LRRC37A2: variants seen among roughly 807,000 people sequenced by gnomAD.
LRRC37A2 encodes the protein leucine-rich repeat-containing protein 37A2.
LRRC37A2 carries 9 observed loss-of-function variants against 68.8 expected under a neutral mutation model. That is an observed-to-expected ratio of 0.13 (90% confidence interval 0.08 to 0.23). The LOEUF (loss-of-function observed/expected upper bound fraction) is 0.23, where lower values mean the gene tolerates loss of function less well. LRRC37A2 is among the 10% of genes least tolerant of loss of function. LRRC37A2 has a pLI of 1.00. For synonymous variants in LRRC37A2, 63 were observed against 367.6 expected, an observed-to-expected ratio of 0.17 and a Z score of 9.48; for missense variants, 168 against 950.4, an observed-to-expected ratio of 0.18 and a Z score of 10.82.
At chr17:46,965,966 A>T in the LRRC37A2 span, among the ~76,000 whole-genome samples, 1 of 151,976 alleles carries the variant, frequency 6.6e-6, no homozygotes, top group Non-Finnish European at 1.5e-5. Context: ...TGCTGTTTAT[A>T]ATGATGCAGG....
the LRRC37A2 span, chr17:46,749,870 A>G: frequency 9.3e-6 from 15 of 1,614,032 alleles, no homozygotes; most frequent in Admixed American, 3.3e-5. Context: ...CACGTGCCCA[A>G]CATTGCCACA....
the LRRC37A2 span, among the ~76,000 whole-genome samples, chr17:46,946,426 A>T: frequency 6.9e-6 from 1 of 145,504 alleles, no homozygotes; most frequent in Admixed American, 7.1e-5. Context: ...ACGCCATTGC[A>T]CTCCAGCCTA....
chr17:46,812,042 T>C, the LRRC37A2 span, among the ~76,000 whole-genome samples: 1 of 152,176 alleles, frequency 6.6e-6, no homozygotes, highest in Non-Finnish European at 1.5e-5. Context: ...GGAGACCCAG[T>C]GCTCCTTCCC....
At chr17:46,904,143 G>T in the LRRC37A2 span, among the ~76,000 whole-genome samples, 1 of 151,692 alleles carries the variant, frequency 6.6e-6, no homozygotes, top group African/African-American at 2.4e-5. Flanking sequence ...AGGGTGGCTG[G>T]GTGGCTGGGC....
At chr17:46,380,812 C>G in the LRRC37A2 span, among the ~76,000 whole-genome samples, 15 of 9,798 alleles carry the variant, frequency 1.5e-3, 6 homozygotes, top group African/African-American at 1.7e-3. Flanking sequence ...GTCATTTGGC[C>G]GGGCGCGGTG....
chr17:46,827,550 T>C, the LRRC37A2 span, among the ~76,000 whole-genome samples: 1 of 152,142 alleles, frequency 6.6e-6, no homozygotes, highest in African/African-American at 2.4e-5. Context: ...AGACACTAAC[T>C]GCCTTCAGAG....
chr17:47,007,508 A>G, the LRRC37A2 span, among the ~76,000 whole-genome samples: 1 of 152,218 alleles, frequency 6.6e-6, no homozygotes. Context: ...GTTTGAAAAT[A>G]AAATATAAAA....
At chr17:46,976,750 G>A in the LRRC37A2 span, among the ~76,000 whole-genome samples, 10 of 151,708 alleles carry the variant, frequency 6.6e-5, no homozygotes, top group Admixed American at 2.6e-4. Flanking sequence ...GCAAATGCCT[G>A]TAGCTGTCTG....
chr17:46,749,654 C>G, the LRRC37A2 span: 3 of 919,210 alleles, frequency 3.3e-6, no homozygotes, highest in Non-Finnish European at 4.7e-6. Flanking sequence ...TCTGTTTTGC[C>G]TAATCATTTG....
the LRRC37A2 span, among the ~76,000 whole-genome samples, chr17:46,492,274 T>G: frequency 6.6e-6 from 1 of 151,158 alleles, no homozygotes; most frequent in African/African-American, 2.5e-5. Flanking sequence ...CCGTTTGACT[T>G]TTAAATAGGT....
chr17:46,836,325 C>A, the LRRC37A2 span, among the ~76,000 whole-genome samples: 1 of 152,186 alleles, frequency 6.6e-6, no homozygotes, highest in Non-Finnish European at 1.5e-5. Context: ...CTTGGAACTG[C>A]TGTTTTTTGA....
chr17:46,658,005 A>T, the LRRC37A2 span, among the ~76,000 whole-genome samples: 1 of 44,404 alleles, frequency 2.3e-5, no homozygotes, highest in Non-Finnish European at 3.9e-5. Flanking sequence ...GGTCTTTCCT[A>T]TTCAGTAACA....
chr17:46,759,611 C>T, the LRRC37A2 span, among the ~76,000 whole-genome samples: 3 of 152,218 alleles, frequency 2.0e-5, no homozygotes, highest in African/African-American at 7.2e-5. Context: ...ACTGACTTCA[C>T]TCGAGTGTGC....
the LRRC37A2 span, among the ~76,000 whole-genome samples, chr17:47,006,315 AAATT>A: frequency 3.7e-4 from 56 of 152,288 alleles, no homozygotes; most frequent in African/African-American, 1.3e-3. Context: ...AAAATAAAAT[AAATT>A]AATTAATTAA....
At chr17:47,033,247 A>C in the LRRC37A2 span, 1 of 632,622 alleles carries the variant, frequency 1.6e-6, no homozygotes, top group Non-Finnish European at 2.8e-6. Flanking sequence ...AAAAAAAAAA[A>C]AAAGAAAGAA....
chr17:46,895,372 G>A, the LRRC37A2 span, among the ~76,000 whole-genome samples: 17 of 152,354 alleles, frequency 1.1e-4, no homozygotes, highest in Admixed American at 9.1e-4. Context: ...TGGGCTGTAC[G>A]AGTCAAATCC....
chr17:46,875,002 C>G, the LRRC37A2 span: 1 of 1,586,888 alleles, frequency 6.3e-7, no homozygotes, highest in East Asian at 2.2e-5. Context: ...CTGCCACCAC[C>G]GCCTCTGGCC....
chr17:46,456,174 C>T, the LRRC37A2 span, among the ~76,000 whole-genome samples: 1 of 107,534 alleles, frequency 9.3e-6, no homozygotes, highest in Non-Finnish European at 2.1e-5. Flanking sequence ...GATGTGACTT[C>T]GTTCTTTGTT....
chr17:46,918,424 A>G, the LRRC37A2 span, among the ~76,000 whole-genome samples: 2 of 152,162 alleles, frequency 1.3e-5, no homozygotes, highest in Admixed American at 1.3e-4. Context: ...TGGGCCCACA[A>G]AAACATTTGC....
Sources: allele counts gnomAD v4.1 joint callset (sites outside exome capture counted in the v4.1 genomes callset), GRCh38; gene constraint gnomAD v4.1.1; transcripts MANE v1.5; gene names NCBI Gene and HGNC (gene_info 2026-07-23, HGNC 2026-07-21).